Variants in RNF166 observed in about 807,000 individuals in gnomAD.
RNF166 encodes the protein E3 ubiquitin-protein ligase RNF166.
Under a neutral mutation model 29.4 loss-of-function variants are expected in RNF166, and 19 were observed. The ratio of observed to expected loss-of-function variants is 0.65; its 90% CI spans 0.45 to 0.95. RNF166 has a LOEUF of 0.95. Ranked by LOEUF, RNF166 falls within the 40% of genes least tolerant of loss-of-function variation. The probability of loss-of-function intolerance (pLI) is 0.00; values close to 1 mark genes in which losing one functional copy is unlikely to be tolerated. For synonymous variants in RNF166, 171 were observed against 134.5 expected, an observed-to-expected ratio of 1.27 and a Z score of -1.88; for missense variants, 347 against 322.1, an observed-to-expected ratio of 1.08 and a Z score of -0.59.
At chr16:88,706,138 C>A (rs1201556404) in intron 1 of RNF166, 33 bp downstream of exon 1, 7 of 1,145,170 alleles carry the variant, frequency 6.1e-6, no homozygotes, top group Non-Finnish European at 1.1e-6. Flanking sequence ...GGGCACGGCC[C>A]CCTCCCCGCG....
chr16:88,702,159 C>CTGCTATCTACAACCGCCTCCT (rs1166935094), intron 1 of RNF166, among the ~76,000 whole-genome samples: 29 of 5,620 alleles, frequency 5.2e-3, no homozygotes, highest in South Asian at 0.011. Context: ...CACACCCTCC[C>CTGCTATCTACAACCGCCTCCT]GCTCTGCAGA....
At chr16:88,705,376 T>G (rs1910679561) in intron 1 of RNF166, among the ~76,000 whole-genome samples, 1 of 152,246 alleles carries the variant, frequency 6.6e-6, no homozygotes, top group Non-Finnish European at 1.5e-5. Context: ...CCCCTGCCAC[T>G]GCTGATTTTG....
At chr16:88,699,459 C>T (rs1909982452) in intron 3 of RNF166, among the ~76,000 whole-genome samples, 161 bp downstream of exon 3, 1 of 152,192 alleles carries the variant, frequency 6.6e-6, no homozygotes. Flanking sequence ...GAGGGCAGCA[C>T]AGGAGCCTTC....
rs1185818070 is a variant in RNF166 at position 88,706,194 on chromosome 16, C to T, written c.132G>A (p.Val44=). 3.1e-6 allele frequency: 4 copies of T among 1,298,110 alleles called. No homozygotes were observed. Among genetic ancestry groups the T allele is most frequent in the African/African-American group, 1.6e-5 (1 of 63,616 alleles). The allele number at this position is 1,298,110 out of a possible 1,614,324, so 80.4% of individuals were successfully genotyped here. The change falls in exon 1 of 6, where the codon GTG becomes GTA. Residue 44 remains valine (V), a synonymous_variant. Transcript: ENST00000312838. The stretch of plus-strand genomic sequence containing the variant: ...ACGTGTGGCCGCAGCTGCCGATGGC[C>T]ACGGGCCGGTGATAGACCTCCAGGC... The part of the protein sequence containing the change: ...PICLEVYHRP[V]AIGSCGHTFC...
chr16:88,697,720 A>G, intron 5 of RNF166, 87 bp from the exon 6 acceptor site: 1 of 970,614 alleles, frequency 1.0e-6, no homozygotes, highest in Admixed American at 2.1e-5. Context: ...AGGCGTGTCC[A>G]CCCTTCCTGC....
intron 1 of RNF166, among the ~76,000 whole-genome samples, chr16:88,705,530 C>G (rs1344975821): frequency 1.3e-5 from 2 of 152,222 alleles, no homozygotes; most frequent in Admixed American, 6.5e-5. Context: ...CTGAAACACC[C>G]TGGAGGAGCC....
chr16:88,704,379 G>C (rs1910557913), intron 1 of RNF166: 13 of 985,310 alleles, frequency 1.3e-5, no homozygotes, highest in Non-Finnish European at 1.4e-5. Flanking sequence ...GTGAGACTAG[G>C]ATGGTCGTCA....
chr16:88,704,185 G>C, intron 1 of RNF166: 7 of 985,458 alleles, frequency 7.1e-6, no homozygotes, highest in Non-Finnish European at 8.4e-6. Flanking sequence ...ACAAACTTCC[G>C]AAGGGAACCT....
intron 1 of RNF166, among the ~76,000 whole-genome samples, chr16:88,702,115 C>G (rs1359338701): frequency 1.3e-5 from 2 of 152,222 alleles, no homozygotes; most frequent in African/African-American, 4.8e-5. Context: ...CGTGCGCACT[C>G]CGGGCTCCAG....
At chr16:88,699,538 C>T in intron 3 of RNF166, 82 bp downstream of exon 3, 1 of 1,120,024 alleles carries the variant, frequency 8.9e-7, no homozygotes. Context: ...CCCAGCCTCT[C>T]TGGGATGGGG....
intron 1 of RNF166, chr16:88,704,017 A>G: frequency 4.1e-6 from 4 of 985,456 alleles, no homozygotes; most frequent in Non-Finnish European, 4.8e-6. Flanking sequence ...CCCCTGGCTG[A>G]GAACAGCTCC....
chr16:88,701,793 A>T, intron 1 of RNF166: 1 of 235,434 alleles, frequency 4.2e-6, no homozygotes, highest in Non-Finnish European at 8.3e-6. Context: ...GGGCGCAGGG[A>T]CAGCCCGGGG....
chr16:88,701,821 G>A (rs930210177), intron 1 of RNF166, among the ~76,000 whole-genome samples: 10 of 152,212 alleles, frequency 6.6e-5, no homozygotes, highest in African/African-American at 2.2e-4. Context: ...AAACTCTCCC[G>A]GCTCCACACT....
intron 2 of RNF166, chr16:88,700,908 G>C: frequency 8.6e-7 from 1 of 1,156,940 alleles, no homozygotes; most frequent in Non-Finnish European, 1.1e-6. Context: ...GGAGCCCCCA[G>C]CGCCGTCCCC....
chr16:88,703,340 C>T (rs1290866464), intron 1 of RNF166: 12 of 985,326 alleles, frequency 1.2e-5, no homozygotes, highest in Admixed American at 1.2e-4. Flanking sequence ...GGCCGGGGCT[C>T]GGCTGCACAG....
chr16:88,706,115 C>T (rs1567642290), intron 1 of RNF166, 56 bp downstream of exon 1: 2 of 1,084,036 alleles, frequency 1.8e-6, no homozygotes, highest in Non-Finnish European at 2.2e-6. Flanking sequence ...GCCTCGCGAC[C>T]CCTCCCGCGG....
rs969670644 is a variant in RNF166, at chr16:88,706,299, G to A, written c.27C>T (p.Ala9=). Residue 9 remains alanine (A), a synonymous_variant, in exon 1 of 6, where the codon GCC becomes GCT. Transcript: ENST00000312838. ...CCGGCGGCTGCCGCTGCTGAGCCGAGGCCACCAGGCTGCGGAACATAGCCA... is the reference window on the plus strand; with the variant it reads ...CCGGCGGCTGCCGCTGCTGAGCCGAAGCCACCAGGCTGCGGAACATAGCCA... MAMFRSLV[A]SAQQRQPPAG... 5 of 1,268,926 alleles carry A rather than the reference G, an allele frequency of 3.9e-6. No homozygotes were observed. The highest frequency in any genetic ancestry group is 1.6e-5 in the African/African-American group (1 of 63,154). 78.6% of individuals were successfully genotyped at this position (1,268,926 alleles called of 1,614,324 possible).
At chr16:88,704,904 C>G (rs1327630183) in intron 1 of RNF166, among the ~76,000 whole-genome samples, 1 of 152,208 alleles carries the variant, frequency 6.6e-6, no homozygotes, top group Non-Finnish European at 1.5e-5. Flanking sequence ...GCAGGAGGAT[C>G]ACTTGAACCC....
chr16:88,699,627 T>G lies in RNF166; in HGVS notation c.418A>C (p.Ile140Leu). Residue 140 changes from isoleucine to leucine, a missense_variant, in exon 3 of 6, where the codon ATC becomes CTC. Transcript: ENST00000312838. ...FVPVVPTSQP[I>L]PSNIPNRSTF... ...GCCCGGCAGCGTGCCTACCTGGGGATAGGCTGTGATGTGGGCACCACGGGG... is the reference window on the plus strand; with the variant it reads ...GCCCGGCAGCGTGCCTACCTGGGGAGAGGCTGTGATGTGGGCACCACGGGG... 6.2e-7 allele frequency: 1 copy of G among 1,611,880 alleles called. No homozygotes were observed. Among genetic ancestry groups the G allele is most frequent in the Non-Finnish European group, 8.5e-7 (1 of 1,178,702 alleles).
Sources: allele counts gnomAD v4.1 joint callset (sites outside exome capture counted in the v4.1 genomes callset), GRCh38; gene constraint gnomAD v4.1.1; transcripts MANE v1.5; gene names NCBI Gene and HGNC (gene_info 2026-07-23, HGNC 2026-07-21).